Variants in REPS1 observed in about 807,000 individuals in gnomAD.
REPS1 encodes ralBP1-associated Eps domain-containing protein 1.
In REPS1, 39 loss-of-function variants were observed where a neutral mutation model predicts 100.9. The observed-to-expected ratio is 0.39, with a 90% confidence interval of 0.30 to 0.50. REPS1 has a LOEUF of 0.50. Ranked by LOEUF, REPS1 falls within the 20% of genes least tolerant of loss-of-function variation. REPS1 has a pLI of 0.86. For missense variants in REPS1, 821 were observed against 968.5 expected, an observed-to-expected ratio of 0.85 and a Z score of 2.02; for synonymous variants, 324 against 340.3, an observed-to-expected ratio of 0.95 and a Z score of 0.53.
At position 138,946,082 on chromosome 6, in the gene REPS1, C is replaced by G. The variant is rs189195942; in HGVS notation, c.278-385G>C. ...CCAAGGTCATGCTTGTAGTAACTGA[C>G]AGTTAAGATATAAACCTAGATCAGT... On this transcript the variant is annotated intron_variant, in intron 2 of 19. Coordinates refer to ENST00000450536, the MANE Select transcript of REPS1 (RefSeq NM_001286611.2). 2.0e-5 allele frequency among the ~76,000 whole-genome samples: 3 copies of G among 152,284 alleles called. No individual in the cohort carries two copies. In the East Asian group the frequency reaches 5.8e-4, roughly 29 times the overall value.
At chr6:138,943,621 G>T in intron 6 of REPS1, 45 bp from the exon 7 acceptor site, 1 of 1,379,266 alleles carries the variant, frequency 7.3e-7, no homozygotes, top group South Asian at 1.2e-5. Flanking sequence ...CTGAACTTAC[G>T]GATCCACGAA....
At chr6:138,961,461 G>A (rs902365570) in intron 1 of REPS1, among the ~76,000 whole-genome samples, 3 of 151,854 alleles carry the variant, frequency 2.0e-5, no homozygotes, top group East Asian at 1.9e-4. Flanking sequence ...TCTTGACCTC[G>A]TGATCCACCT....
chr6:138,962,108 T>C (rs1489116860), intron 1 of REPS1, among the ~76,000 whole-genome samples: 1 of 152,214 alleles, frequency 6.6e-6, no homozygotes, highest in Non-Finnish European at 1.5e-5. Flanking sequence ...ACACAACACT[T>C]GGACCACCTA....
chr6:138,976,112 T>C (rs1422342921), intron 1 of REPS1, among the ~76,000 whole-genome samples: 1 of 152,196 alleles, frequency 6.6e-6, no homozygotes, highest in Non-Finnish European at 1.5e-5. Flanking sequence ...CAGCTATTAA[T>C]ATACAGTATC....
At position 138,915,774 on chromosome 6, in the gene REPS1, T is replaced by C. The variant is rs1322631027; in HGVS notation, c.1720+84A>G. 25 of 1,052,972 alleles carry C rather than the reference T, an allele frequency of 2.4e-5. 1 individual carries two copies. In the East Asian group the frequency reaches 3.9e-4, roughly 16 times the overall value. The allele number at this position is 1,052,972 out of a possible 1,614,324, so 65.2% of individuals were successfully genotyped here. ...ATAAATATTTTTAAAAGACATGTAA[T>C]AGAAACAAAAATAAAATGTGTATGT... On this transcript the variant is annotated intron_variant, in intron 14 of 19. Coordinates refer to ENST00000450536, the MANE Select transcript of REPS1 (RefSeq NM_001286611.2).
At chr6:138,908,284 G>C (rs1241114733) in intron 18 of REPS1, among the ~76,000 whole-genome samples, 1 of 152,120 alleles carries the variant, frequency 6.6e-6, no homozygotes, top group East Asian at 1.9e-4. Context: ...ATTTACTTCA[G>C]TCTGATTATT....
At chr6:138,906,446 T>C (rs1779656699) in intron 19 of REPS1, among the ~76,000 whole-genome samples, 1 of 152,216 alleles carries the variant, frequency 6.6e-6, no homozygotes, top group African/African-American at 2.4e-5. Flanking sequence ...ATGATAGTAA[T>C]ACCACCCTCT....
intron 1 of REPS1, among the ~76,000 whole-genome samples, chr6:138,977,236 C>A (rs1784645498): frequency 6.6e-6 from 1 of 152,228 alleles, no homozygotes. Context: ...TGGCCTGATG[C>A]AACCACTAAT....
intron 6 of REPS1, 61 bp from the exon 7 acceptor site, chr6:138,943,637 T>C (rs1782412128): frequency 7.8e-6 from 10 of 1,281,624 alleles, no homozygotes. Context: ...ACGAACAGAA[T>C]GTAAGAGTCT....
intron 1 of REPS1, among the ~76,000 whole-genome samples, chr6:138,971,705 T>C (rs1784354804): frequency 6.6e-6 from 1 of 152,188 alleles, no homozygotes; most frequent in Admixed American, 6.5e-5. Context: ...TGTGCTATTG[T>C]TCTGTTCTTA....
intron 18 of REPS1, among the ~76,000 whole-genome samples, chr6:138,908,186 A>G (rs936594279): frequency 6.6e-6 from 1 of 151,846 alleles, no homozygotes; most frequent in African/African-American, 2.4e-5. Context: ...ATGGCATTGA[A>G]TTCAACTTAA....
At chr6:138,941,806 C>T (rs756797196) in intron 7 of REPS1, among the ~76,000 whole-genome samples, 3 of 152,152 alleles carry the variant, frequency 2.0e-5, no homozygotes, top group Non-Finnish European at 2.9e-5. Flanking sequence ...AGAAGGCATA[C>T]GTAATAAGTT....
intron 1 of REPS1, among the ~76,000 whole-genome samples, chr6:138,954,509 A>AG: frequency 6.6e-6 from 1 of 151,776 alleles, no homozygotes; most frequent in African/African-American, 2.4e-5. Flanking sequence ...GCTTAAAAAA[A>AG]AAAAAAAAAA....
intron 1 of REPS1, 90 bp downstream of exon 1, chr6:138,987,440 C>T (rs1448579836): frequency 7.7e-7 from 1 of 1,307,114 alleles, no homozygotes; most frequent in Non-Finnish European, 1.0e-6. Flanking sequence ...AGCCCCCCGC[C>T]GGGCCCCAAG....
At chr6:138,978,679 C>T (rs1784741017) in intron 1 of REPS1, among the ~76,000 whole-genome samples, 1 of 151,988 alleles carries the variant, frequency 6.6e-6, no homozygotes, top group Non-Finnish European at 1.5e-5. Context: ...GTATGTTAGG[C>T]CTCTTTGAAG....
intron 8 of REPS1, among the ~76,000 whole-genome samples, chr6:138,939,571 A>T (rs950426175): frequency 1.4e-4 from 22 of 152,314 alleles, no homozygotes; most frequent in African/African-American, 5.3e-4. Context: ...GCCTCTACAA[A>T]ATCACCTACA....
chr6:138,939,070 T>C (rs758720482), intron 8 of REPS1, among the ~76,000 whole-genome samples: 2 of 152,056 alleles, frequency 1.3e-5, no homozygotes, highest in Non-Finnish European at 2.9e-5. Context: ...CACAAGACAA[T>C]TTCTATACTC....
intron 4 of REPS1, 33 bp from the exon 5 acceptor site, chr6:138,944,655 TG>T: frequency 6.3e-7 from 1 of 1,582,284 alleles, no homozygotes; most frequent in Non-Finnish European, 8.6e-7. Flanking sequence ...TGCTGACTCA[TG>T]TTTGAGGAAA....
intron 15 of REPS1, among the ~76,000 whole-genome samples, chr6:138,913,398 T>C (rs780383811): frequency 6.6e-6 from 1 of 152,150 alleles, no homozygotes; most frequent in Non-Finnish European, 1.5e-5. Flanking sequence ...TCCCAACATG[T>C]CAGGAACACT....
Sources: gnomAD v4.1 joint callset for allele counts (sites outside exome capture counted in the v4.1 genomes callset) on GRCh38, gnomAD v4.1.1 for gene constraint, MANE v1.5 for transcripts, NCBI Gene and HGNC (gene_info 2026-07-23, HGNC 2026-07-21) for gene names.